The following FMNL2 variants were observed in gnomAD, a reference collection of about 807,000 sequenced individuals.
The protein encoded by FMNL2 is formin-like protein 2.
A neutral mutation model predicts 130.2 loss-of-function variants in FMNL2; 51 were observed. The observed-to-expected ratio is 0.39, with a 90% confidence interval of 0.31 to 0.49. The LOEUF (loss-of-function observed/expected upper bound fraction) is 0.49, where lower values mean the gene tolerates loss of function less well. FMNL2 is among the 20% of genes least tolerant of loss of function. The pLI is 0.85. For missense variants in FMNL2, 977 were observed against 1,316.2 expected (o/e 0.74, Z 3.99); for synonymous variants, 465 against 467.1 (o/e 1.00, Z 0.06).
intron 2 of FMNL2, among the ~76,000 whole-genome samples, chr2:152,540,983 A>G (rs1454143691): frequency 6.6e-6 from 1 of 152,226 alleles, no homozygotes; most frequent in East Asian, 1.9e-4. Context: ...ACAAGTTTCT[A>G]TGGGATAAAC....
intron 6 of FMNL2, among the ~76,000 whole-genome samples, chr2:152,567,997 G>T (rs1695949401): frequency 6.6e-6 from 1 of 152,182 alleles, no homozygotes; most frequent in South Asian, 2.1e-4. Flanking sequence ...TAGACTCCAG[G>T]AAAGCCTGGT....
intron 6 of FMNL2, among the ~76,000 whole-genome samples, chr2:152,572,227 G>A (rs1696209987): frequency 6.6e-6 from 1 of 152,110 alleles, no homozygotes; most frequent in Non-Finnish European, 1.5e-5. Context: ...GAGGAAGAGT[G>A]TGATGATCCC....
In FMNL2 at chr2:152,438,775, A is replaced by G. The variant is rs7576442; in HGVS notation, c.118-83168A>G. ...ACAATCAGGCTACATTTTTGCAGTC[A>G]TAGCGTCAGGGGGCTGATGCCATTT... On this transcript the variant is annotated intron_variant, in intron 1 of 25. Coordinates refer to ENST00000288670, the MANE Select transcript of FMNL2 (RefSeq NM_052905.4). Among the ~76,000 whole-genome samples the G allele has an allele frequency of 8.5e-3, 1,298 of 152,292 alleles. 21 individuals are homozygous for G. Among genetic ancestry groups the G allele is most frequent in the African/African-American group, 0.03 (1,242 of 41,562 alleles).
intron 21 of FMNL2, 99 bp from the exon 22 acceptor site, chr2:152,636,328 A>G: frequency 3.8e-6 from 5 of 1,304,544 alleles, no homozygotes; most frequent in Non-Finnish European, 5.2e-6. Context: ...GCCCTTGAGT[A>G]AGCCTAAGAA....
At chr2:152,610,654 T>C (rs1698625382) in intron 10 of FMNL2, among the ~76,000 whole-genome samples, 1 of 152,270 alleles carries the variant, frequency 6.6e-6, no homozygotes. Flanking sequence ...TTCATAATAT[T>C]CCATTGTTTG....
intron 10 of FMNL2, chr2:152,607,619 C>A: frequency 2.0e-6 from 1 of 488,386 alleles, no homozygotes; most frequent in African/African-American, 1.9e-5. Flanking sequence ...CTTACATACA[C>A]GGTATAGTAA....
chr2:152,611,652 TA>T lies in FMNL2; in HGVS notation c.1062+48del, dbSNP rs776219785. 5.3e-5 allele frequency: 66 copies of T among 1,237,478 alleles called. No homozygotes were observed. The African/African-American group carries it at 8.1e-4, about 15-fold the overall frequency. The allele number at this position is 1,237,478 out of a possible 1,614,324, so 76.7% of individuals were successfully genotyped here. ...GGCTCCAATATAAGAATTGACTTATTATTGCCTGCCCTCAAAGGTACGCTTC... is the reference window on the plus strand; with the variant it reads ...GGCTCCAATATAAGAATTGACTTATTTTGCCTGCCCTCAAAGGTACGCTTC... On this transcript the variant is annotated intron_variant, in intron 11 of 25. Coordinates refer to ENST00000288670, the MANE Select transcript of FMNL2 (RefSeq NM_052905.4).
chr2:152,515,359 T>G (rs16831263), intron 1 of FMNL2, among the ~76,000 whole-genome samples: 9,052 of 152,232 alleles, frequency 0.059, 640 homozygotes, highest in Admixed American at 0.22. Context: ...TTGGCAGAGT[T>G]TATTAAGTAT....
At position 152,457,028 on chromosome 2, in the gene FMNL2, A is replaced by G. The variant is rs539124064; in HGVS notation, c.118-64915A>G. On this transcript the variant is annotated intron_variant, in intron 1 of 25. Transcript: ENST00000288670. ...TTTGAGTGACACTATACTTGCTACC[A>G]ATTCTGGTTATGATAATGTGTAGCT... Among the ~76,000 whole-genome samples the G allele has an allele frequency of 2.9e-3, 437 of 152,262 alleles. 1 individual carries two copies. The highest frequency in any genetic ancestry group is 4.5e-3 in the Non-Finnish European group (304 of 68,018).
At chr2:152,542,434 C>T (rs558768738) in intron 2 of FMNL2, among the ~76,000 whole-genome samples, 1 of 152,262 alleles carries the variant, frequency 6.6e-6, no homozygotes, top group African/African-American at 2.4e-5. Context: ...AGCTGCAGGG[C>T]CCTACAGAGA....
At chr2:152,502,223 A>G (rs1396738954) in intron 1 of FMNL2, among the ~76,000 whole-genome samples, 1 of 152,240 alleles carries the variant, frequency 6.6e-6, no homozygotes, top group Non-Finnish European at 1.5e-5. Flanking sequence ...TGGAGCACCC[A>G]CTAGGTACAA....
rs116035118 is a variant in FMNL2 at position 152,595,309 on chromosome 2, G to A, written c.877-12030G>A. Among the ~76,000 whole-genome samples, 1,213 of 152,224 alleles carry A rather than the reference G, an allele frequency of 8.0e-3. 12 individuals are homozygous for A. Among genetic ancestry groups the A allele is most frequent in the Non-Finnish European group, 9.5e-3 (648 of 68,002 alleles). On this transcript the variant is annotated intron_variant, in intron 9 of 25. Coordinates refer to ENST00000288670, the MANE Select transcript of FMNL2 (RefSeq NM_052905.4). ...GTTCCTTGTGTATTTGTTCATGATT[G>A]ATTGATTGATTTGATTGTTGTTGCT...
intron 1 of FMNL2, among the ~76,000 whole-genome samples, chr2:152,437,474 C>G (rs1451398608): frequency 2.0e-5 from 3 of 152,136 alleles, no homozygotes; most frequent in African/African-American, 7.2e-5. Flanking sequence ...AATGCACCCC[C>G]CCTGCGGTGA....
At chr2:152,576,186 C>G (rs1284468768) in intron 7 of FMNL2, among the ~76,000 whole-genome samples, 1 of 152,022 alleles carries the variant, frequency 6.6e-6, no homozygotes, top group East Asian at 1.9e-4. Context: ...TGTTAGAGTT[C>G]AAACCAACAC....
rs978196939 is a variant in FMNL2, at chr2:152,573,095, A to T, written c.597-2041A>T. On this transcript the variant is annotated intron_variant, in intron 6 of 25. Transcript: ENST00000288670. ...TCTAAAATATAGAGCAAAATTTCCTATTAAGTCAAAAAACATCCTCACTTT... is the reference window on the plus strand; with the variant it reads ...TCTAAAATATAGAGCAAAATTTCCTTTTAAGTCAAAAAACATCCTCACTTT... Among the ~76,000 whole-genome samples the T allele has an allele frequency of 2.6e-5, 4 of 152,360 alleles. No homozygotes were observed. In the South Asian group the frequency reaches 8.3e-4, roughly 32 times the overall value.
At chr2:152,475,015 T>C (rs1690072092) in intron 1 of FMNL2, among the ~76,000 whole-genome samples, 1 of 152,240 alleles carries the variant, frequency 6.6e-6, no homozygotes, top group Non-Finnish European at 1.5e-5. Context: ...TCTAAGTGAC[T>C]GTGGGCAAGT....
chr2:152,453,482 T>C (rs1442622284), intron 1 of FMNL2, among the ~76,000 whole-genome samples: 1 of 152,096 alleles, frequency 6.6e-6, no homozygotes, highest in Non-Finnish European at 1.5e-5. Flanking sequence ...ACGATCCAGT[T>C]TGTGGATTGC....
chr2:152,628,111 A>G (rs1201942509), intron 17 of FMNL2, among the ~76,000 whole-genome samples, 188 bp from the exon 18 acceptor site: 3 of 152,224 alleles, frequency 2.0e-5, no homozygotes, highest in African/African-American at 4.8e-5. Context: ...TACCTGAGGC[A>G]TAGTCAAGAA....
chr2:152,492,973 A>G (rs1204571852), intron 1 of FMNL2, among the ~76,000 whole-genome samples: 1 of 152,222 alleles, frequency 6.6e-6, no homozygotes, highest in African/African-American at 2.4e-5. Context: ...AGTACCTAAC[A>G]CTGCCCAACA....
Sources: allele counts gnomAD v4.1 joint callset (sites outside exome capture counted in the v4.1 genomes callset), GRCh38; gene constraint gnomAD v4.1.1; transcripts MANE v1.5; gene names NCBI Gene and HGNC (gene_info 2026-07-23, HGNC 2026-07-21).